Variants in ARHGAP11A observed in about 807,000 individuals in gnomAD.
ARHGAP11A encodes rho GTPase-activating protein 11A.
Under a neutral mutation model 60.5 loss-of-function variants are expected in ARHGAP11A, and 36 were observed. The observed-to-expected ratio is 0.59, with a 90% CI of 0.46 to 0.79. The LOEUF (loss-of-function observed/expected upper bound fraction) is 0.79, where lower values mean the gene tolerates loss of function less well. ARHGAP11A is among the 30% of genes least tolerant of loss of function. The pLI, the probability that ARHGAP11A is intolerant of heterozygous loss-of-function variation, is 0.00. For synonymous variants in ARHGAP11A, 362 were observed against 415.5 expected (o/e 0.87, Z 1.57); for missense variants, 1,071 against 1,199.2 (o/e 0.89, Z 1.58).
At chr15:32,622,984 TAA>T (rs1320468236) in intron 2 of ARHGAP11A, among the ~76,000 whole-genome samples, 1 of 151,064 alleles carries the variant, frequency 6.6e-6, no homozygotes, top group African/African-American at 2.4e-5. Flanking sequence ...GCAGGAAAAC[TAA>T]AAGAGTAGTG....
chr15:32,637,185 T>C lies in ARHGAP11A; in HGVS notation c.2412T>C (p.His804=), dbSNP rs764991485. Residue 804 remains histidine (H), a synonymous_variant, in exon 12 of 12, where the codon CAT becomes CAC. Coordinates refer to ENST00000361627, the MANE Select transcript of ARHGAP11A (RefSeq NM_014783.6). ...CTGAAAGTTCACAAATGACAGAACA[T>C]AGAAAGGTTTCTGATCACATACAGT... ...TVSESSQMTE[H]RKVSDHIQWF... 1 of 1,614,178 alleles carries C rather than the reference T, an allele frequency of 6.2e-7. No individual in the cohort carries two copies. Among genetic ancestry groups the C allele is most frequent in the Non-Finnish European group, 8.5e-7 (1 of 1,180,028 alleles).
chr15:32,625,157 A>G lies in ARHGAP11A; in HGVS notation c.629A>G (p.His210Arg), dbSNP rs1426039262. The change falls in exon 5 of 12, where the codon CAT (histidine) becomes CGT (arginine). Residue 210 changes from histidine (H) to arginine (R), a missense_variant. Around this residue, in one of 4 missense-constraint regions of ARHGAP11A, gnomAD observed 196 missense variants for 272.1 expected, o/e 0.72. Coordinates refer to ENST00000361627, the MANE Select transcript of ARHGAP11A (RefSeq NM_014783.6). ...APNLLQTSEGHEKMSSNTEKK... is the reference protein window; with the variant it reads ...APNLLQTSEGREKMSSNTEKK... ...AATCTTCTTCAGACAAGTGAAGGAC[A>G]TGAAAAGATGTCTTCTAACACAGAA... 6.8e-6 allele frequency: 11 copies of G among 1,613,978 alleles called. No homozygotes were observed. The highest frequency in any genetic ancestry group is 3.3e-5 in the South Asian group (3 of 91,070).
chr15:32,618,242 T>G (rs2140438797), intron 1 of ARHGAP11A, among the ~76,000 whole-genome samples: 1 of 152,058 alleles, frequency 6.6e-6, no homozygotes, highest in South Asian at 2.1e-4. Context: ...TTATAGTGGT[T>G]ACTTGTGAGG....
rs1399113398 is a variant in ARHGAP11A, at chr15:32,636,680, A to T, written c.1907A>T (p.Glu636Val). The change falls in exon 12 of 12, where the codon GAA (glutamate) becomes GTA (valine). Residue 636 changes from glutamate to valine, a missense_variant. By Grantham distance (121) the Glu-to-Val change is moderately radical. Around this residue, in one of 4 missense-constraint regions of ARHGAP11A, gnomAD observed 776 missense variants for 760.2 expected, o/e 1.02. Coordinates refer to ENST00000361627, the MANE Select transcript of ARHGAP11A (RefSeq NM_014783.6). Reference sequence around the variant, plus strand: ...AAATTAACTGAACCATCTTATTTAGAAGATAGCCCAGAGGAAAATCTATTT... The same window carrying T: ...AAATTAACTGAACCATCTTATTTAGTAGATAGCCCAGAGGAAAATCTATTT... The part of the protein sequence containing the change: ...KVKLTEPSYL[E>V]DSPEENLFET... 3 of 1,613,888 alleles carry T rather than the reference A, an allele frequency of 1.9e-6. No individual in the cohort carries two copies. In the Admixed American group the frequency reaches 5.0e-5, roughly 27 times the overall value.
Position 32,637,964 on chromosome 15 carries a change from T to C in ARHGAP11A, c.*119T>C, listed in dbSNP as rs534962485. 2.0e-5 allele frequency: 18 copies of C among 894,624 alleles called. No individual in the cohort carries two copies. Among genetic ancestry groups the C allele is most frequent in the African/African-American group, 1.7e-4 (10 of 58,802 alleles). The allele number at this position is 894,624 out of a possible 1,614,324, so 55.4% of individuals were successfully genotyped here. On this transcript the variant is annotated 3_prime_UTR_variant, in exon 12 of 12. Coordinates refer to ENST00000361627, the MANE Select transcript of ARHGAP11A (RefSeq NM_014783.6). Reference sequence around the variant, plus strand: ...ATTGTTAAGCAATAGATTTGCTCTATTGAAAATGTTTCATTTTTTTCACTG... The same window carrying C: ...ATTGTTAAGCAATAGATTTGCTCTACTGAAAATGTTTCATTTTTTTCACTG...
chr15:32,635,136 C>A (rs760613091), intron 10 of ARHGAP11A, among the ~76,000 whole-genome samples: 1 of 152,242 alleles, frequency 6.6e-6, no homozygotes, highest in Non-Finnish European at 1.5e-5. Flanking sequence ...GGCTGCATTT[C>A]TGAGCTCTCC....
intron 2 of ARHGAP11A, among the ~76,000 whole-genome samples, chr15:32,621,821 CAAAAAAA>C (rs376053100): frequency 8.3e-6 from 1 of 120,902 alleles, no homozygotes; most frequent in Non-Finnish European, 1.9e-5. Context: ...GACTCCGTCT[CAAAAAAA>C]AAAAAAAAAA....
At chr15:32,618,201 T>C (rs1213214221) in intron 1 of ARHGAP11A, among the ~76,000 whole-genome samples, 2 of 152,246 alleles carry the variant, frequency 1.3e-5, no homozygotes, top group African/African-American at 4.8e-5. Context: ...AACTGTAGTT[T>C]TAAGTTTTAA....
At chr15:32,635,563 AATAG>A (rs2053684647) in intron 10 of ARHGAP11A, among the ~76,000 whole-genome samples, 2 of 152,208 alleles carry the variant, frequency 1.3e-5, no homozygotes, top group Admixed American at 1.3e-4. Flanking sequence ...CTGTTTTAAA[AATAG>A]ATCATAAAAT....
chr15:32,625,711 C>T lies in ARHGAP11A; in HGVS notation c.862+78C>T, dbSNP rs1159696117. The T allele has an allele frequency of 4.7e-6, 7 of 1,474,406 alleles. No individual in the cohort carries two copies. The African/African-American group carries it at 7.1e-5, about 15-fold the overall frequency. 91.3% of individuals were successfully genotyped at this position (1,474,406 alleles called of 1,614,324 possible). A position where few individuals can be genotyped will look rare whatever the true frequency, so the allele number is the denominator to read the frequency against. On this transcript the variant is annotated intron_variant, in intron 6 of 11. Transcript: ENST00000361627. ...TACATTTCACATAAAGAAGCATGAA[C>T]TGTGGTATGTGCCTTTTTGGTGCTT...
At position 32,636,941 on chromosome 15, in the gene ARHGAP11A, T is replaced by TA; in HGVS notation, c.2171dup (p.Lys725GlufsTer8). On this transcript the variant is annotated frameshift_variant, in exon 12 of 12. Transcript: ENST00000361627. LOFTEE classifies it low-confidence loss of function (END_TRUNC). The stretch of plus-strand genomic sequence containing the variant: ...CAAGAATTCTCCAGTGATGAAGAAA[T>TA]AAAGAAACAGCAGTCCCCAAAGGAT... The TA allele has an allele frequency of 6.2e-7, 1 of 1,610,696 alleles. No individual in the cohort carries two copies. The highest frequency in any genetic ancestry group is 8.5e-7 in the Non-Finnish European group (1 of 1,179,120).
rs1260273851 is a variant in ARHGAP11A, at chr15:32,637,132, T to A, written c.2359T>A (p.Ser787Thr). The change falls in exon 12 of 12, where the codon TCA becomes ACA. Residue 787 changes from serine (S) to threonine (T), a missense_variant. Coordinates refer to ENST00000361627, the MANE Select transcript of ARHGAP11A (RefSeq NM_014783.6). The part of the protein sequence containing the change: ...PRPMRIAKQQ[S>T]LETCEKTVSE... Reference sequence around the variant, plus strand: ...GCCTATGAGAATTGCTAAACAGCAGTCATTGGAAACATGTGAGAAAACAGT... The same window carrying A: ...GCCTATGAGAATTGCTAAACAGCAGACATTGGAAACATGTGAGAAAACAGT... 3 of 1,613,942 alleles carry A rather than the reference T, an allele frequency of 1.9e-6. No homozygotes were observed. The highest frequency in any genetic ancestry group is 2.5e-6 in the Non-Finnish European group (3 of 1,180,040).
Position 32,637,595 on chromosome 15 carries a change from C to G in ARHGAP11A, c.2822C>G (p.Ser941Cys). 1 of 1,614,206 alleles carries G rather than the reference C, an allele frequency of 6.2e-7. No individual in the cohort carries two copies. ...AAGCACCCAGATTCAGTGAATGCTT[C>G]TCTTAGGTCTACTACAGTTTATAAA... ...MRKHPDSVNA[S>C]LRSTTVYKQK... The change falls in exon 12 of 12, where the codon TCT becomes TGT. Residue 941 changes from serine to cysteine, a missense_variant. Physicochemically the swap from Ser to Cys is moderately radical, Grantham distance 112. Transcript: ENST00000361627.
chr15:32,633,249 TC>T, intron 9 of ARHGAP11A, 141 bp downstream of exon 9: 1 of 923,128 alleles, frequency 1.1e-6, no homozygotes, highest in Non-Finnish European at 1.6e-6. Context: ...GTCTTATTAA[TC>T]AATTGCCTTT....
At chr15:32,635,968 C>A in intron 11 of ARHGAP11A, 53 bp downstream of exon 11, 1 of 1,522,602 alleles carries the variant, frequency 6.6e-7, no homozygotes, top group Non-Finnish European at 8.8e-7. Flanking sequence ...GCTTTAGTTG[C>A]TTTTTTAATG....
chr15:32,619,176 G>C (rs1021120199), intron 1 of ARHGAP11A, among the ~76,000 whole-genome samples: 1 of 152,058 alleles, frequency 6.6e-6, no homozygotes, highest in Non-Finnish European at 1.5e-5. Context: ...AATACTTCTT[G>C]GTTGATAACT....
chr15:32,633,057 C>T lies in ARHGAP11A; in HGVS notation c.1184C>T (p.Thr395Ile). The change falls in exon 9 of 12, where the codon ACT becomes ATT. Residue 395 changes from threonine to isoleucine, a missense_variant. Thr to Ile is a moderately conservative substitution (Grantham distance 89, BLOSUM62 -1). Transcript: ENST00000361627. ...CTCATTGGTGGAAACCATTTGATCA[C>T]TGCAGGTGTGCCAAGGCGAAGTAAA... ...PVLIGGNHLI[T>I]AGVPRRSKRI... 6.2e-7 allele frequency: 1 copy of T among 1,614,168 alleles called. No individual in the cohort carries two copies. The highest frequency in any genetic ancestry group is 8.5e-7 in the Non-Finnish European group (1 of 1,179,996).
At chr15:32,636,077 G>A in intron 11 of ARHGAP11A, 162 bp downstream of exon 11, 1 of 1,375,026 alleles carries the variant, frequency 7.3e-7, no homozygotes. Context: ...ATCAACAATT[G>A]GGAAATGCTT....
In ARHGAP11A at chr15:32,632,782, C is replaced by A. The variant is rs2053614150; in HGVS notation, c.1106-197C>A. The A allele has an allele frequency of 8.8e-6, 4 of 454,484 alleles. No individual in the cohort carries two copies. In the South Asian group the frequency reaches 2.0e-4, roughly 22 times the overall value. 28.2% of individuals were successfully genotyped at this position (454,484 alleles called of 1,614,324 possible). A position where few individuals can be genotyped will look rare whatever the true frequency, so the allele number is the denominator to read the frequency against. On this transcript the variant is annotated intron_variant, in intron 8 of 11. Transcript: ENST00000361627. ...TTAAGCTGACCTTTAATTGGCAAGT[C>A]AAAAGTAAAAAATGAATGCTTTTTC...
Sources: allele counts gnomAD v4.1 joint callset (sites outside exome capture counted in the v4.1 genomes callset), GRCh38; gene constraint gnomAD v4.1.1; regional missense constraint gnomAD v4.1.1; transcripts MANE v1.5; gene names NCBI Gene and HGNC (gene_info 2026-07-23, HGNC 2026-07-21).